STRN: variants seen among roughly 807,000 people sequenced by gnomAD.
The protein encoded by STRN is protein phosphatase 2 regulatory subunit B'''alpha.
In STRN, 53 loss-of-function variants were observed where a neutral mutation model predicts 96.3. The ratio of observed to expected loss-of-function variants is 0.55; its 90% CI spans 0.44 to 0.69. The LOEUF is 0.69. Ranked by LOEUF, STRN falls within the 30% of genes least tolerant of loss-of-function variation. The probability of loss-of-function intolerance (pLI) is 0.00; values close to 1 mark genes in which losing one functional copy is unlikely to be tolerated. For synonymous variants in STRN, 428 were observed against 355.9 expected, an observed-to-expected ratio of 1.20 and a Z score of -2.28; for missense variants, 987 against 963.9, an observed-to-expected ratio of 1.02 and a Z score of -0.32.
Position 36,960,243 on chromosome 2 carries a change from T to A in STRN, c.234+5987A>T, listed in dbSNP as rs914187978. Among the ~76,000 whole-genome samples, 3 of 152,156 alleles carry A rather than the reference T, an allele frequency of 2.0e-5. No homozygotes were observed. In the South Asian group the frequency reaches 6.2e-4, roughly 31 times the overall value. On this transcript the variant is annotated intron_variant, in intron 1 of 17. Transcript: ENST00000263918. The stretch of plus-strand genomic sequence containing the variant: ...TTAAGATAAACACATTCAGAAAAGT[T>A]TATATGAATTTCAAGGTAACAGATA...
intron 10 of STRN, among the ~76,000 whole-genome samples, chr2:36,872,937 T>A (rs1668800045): frequency 6.6e-6 from 1 of 152,238 alleles, no homozygotes; most frequent in Admixed American, 6.5e-5. Flanking sequence ...GAGCCCAATA[T>A]TTCGGCTGTT....
At chr2:36,942,780 CCTT>C (rs1670877774) in intron 1 of STRN, among the ~76,000 whole-genome samples, 2 of 152,080 alleles carry the variant, frequency 1.3e-5, no homozygotes, top group Non-Finnish European at 2.9e-5. Context: ...ACTGCAACCT[CCTT>C]CTCCTGGATT....
At chr2:36,873,608 A>C (rs1668821956) in intron 10 of STRN, among the ~76,000 whole-genome samples, 1 of 152,160 alleles carries the variant, frequency 6.6e-6, no homozygotes, top group East Asian at 1.9e-4. Flanking sequence ...AGGAGATAAA[A>C]GACAAGATTG....
rs1426494058 is a variant in STRN at position 36,838,402 on chromosome 2, A to T, written c.*11054T>A. Among the ~76,000 whole-genome samples, 1 of 152,198 alleles carries T rather than the reference A, an allele frequency of 6.6e-6. No homozygotes were observed. The highest frequency in any genetic ancestry group is 6.5e-5 in the Admixed American group (1 of 15,274). On this transcript the variant is annotated 3_prime_UTR_variant, in exon 18 of 18. Transcript: ENST00000263918. ...GTTTCCCTGGAGTTCTAACCTACAG[A>T]ACTTTGAATAGATAATTCAGTTCTG...
chr2:36,894,801 G>C (rs1669495832), intron 6 of STRN, among the ~76,000 whole-genome samples: 1 of 152,190 alleles, frequency 6.6e-6, no homozygotes, highest in South Asian at 2.1e-4. Flanking sequence ...CAATAGGATA[G>C]ACTAGAGAGT....
intron 3 of STRN, among the ~76,000 whole-genome samples, chr2:36,914,964 AG>A (rs932633103): frequency 1.3e-5 from 2 of 151,634 alleles, no homozygotes; most frequent in African/African-American, 4.8e-5. Context: ...TGGGAGGCCG[AG>A]GGGGGGCGGA....
intron 15 of STRN, among the ~76,000 whole-genome samples, chr2:36,854,429 C>T (rs1272574151): frequency 1.3e-5 from 2 of 151,968 alleles, no homozygotes; most frequent in African/African-American, 4.8e-5. Context: ...AAACAATGAA[C>T]AACAGGTTAG....
At chr2:36,856,014 T>C (rs1029468589) in intron 14 of STRN, among the ~76,000 whole-genome samples, 1 of 152,118 alleles carries the variant, frequency 6.6e-6, no homozygotes, top group African/African-American at 2.4e-5. Context: ...AGTTCAAAAA[T>C]GTGCATACTG....
At chr2:36,922,842 C>T (rs1026341751) in intron 2 of STRN, among the ~76,000 whole-genome samples, 1 of 152,228 alleles carries the variant, frequency 6.6e-6, no homozygotes, top group Non-Finnish European at 1.5e-5. Context: ...CTACTTTCAT[C>T]TTCCAGATGA....
intron 1 of STRN, among the ~76,000 whole-genome samples, chr2:36,961,314 A>G (rs1572703997): frequency 6.6e-6 from 1 of 151,400 alleles, no homozygotes; most frequent in East Asian, 1.9e-4. Context: ...GGGTTTTGCC[A>G]TGTTGCCCAG....
intron 2 of STRN, among the ~76,000 whole-genome samples, chr2:36,920,633 C>T (rs1323503692): frequency 3.5e-5 from 5 of 142,518 alleles, no homozygotes; most frequent in East Asian, 2.1e-4. Flanking sequence ...AGCAAAACTC[C>T]GTCTCAAAAA....
Position 36,884,090 on chromosome 2 carries a change from G to C in STRN, c.1043-15C>G, listed in dbSNP as rs373964428. 1.4e-5 allele frequency: 18 copies of C among 1,322,576 alleles called. No homozygotes were observed. Among genetic ancestry groups the C allele is most frequent in the Non-Finnish European group, 1.8e-5 (18 of 1,026,396 alleles). The allele number at this position is 1,322,576 out of a possible 1,614,324, so 81.9% of individuals were successfully genotyped here. On this transcript the variant is annotated splice_polypyrimidine_tract_variant and intron_variant, in intron 8 of 17. Transcript: ENST00000263918. ...CCTATTGGGCCCTAGCCAAAAAAAGGGGGGGTGGGAGGAGATAAAAAAGAG... is the reference window on the plus strand; with the variant it reads ...CCTATTGGGCCCTAGCCAAAAAAAGCGGGGGTGGGAGGAGATAAAAAAGAG...
chr2:36,861,247 T>G lies in STRN; in HGVS notation c.1554A>C (p.Pro518=). The change falls in exon 13 of 18, where the codon CCA becomes CCC. Residue 518 remains proline (P), a synonymous_variant. Transcript: ENST00000263918. ...PIYTFRAHKG[P]VLCVVMSSNG... is the part of the protein sequence containing the mutation. ...TGCTGCTCATTACCACACAAAGCAC[T>G]GGACCTCTGGGAGATTAAAAAAAAT... 1 of 1,613,406 alleles carries G rather than the reference T, an allele frequency of 6.2e-7. No homozygotes were observed. The highest frequency in any genetic ancestry group is 8.5e-7 in the Non-Finnish European group (1 of 1,179,774).
chr2:36,874,703 A>G (rs1241359406), intron 10 of STRN, among the ~76,000 whole-genome samples: 2 of 148,998 alleles, frequency 1.3e-5, no homozygotes, highest in Non-Finnish European at 3.0e-5. Context: ...ACAGTAAAAT[A>G]CTATGTTTAG....
At chr2:36,943,576 G>A (rs567984941) in intron 1 of STRN, among the ~76,000 whole-genome samples, 80 of 151,900 alleles carry the variant, frequency 5.3e-4, no homozygotes, top group Admixed American at 1.3e-3. Flanking sequence ...AGGCTGAGGC[G>A]GGAGAATCAC....
chr2:36,922,758 A>G (rs2148227700), intron 2 of STRN, among the ~76,000 whole-genome samples: 2 of 152,200 alleles, frequency 1.3e-5, no homozygotes, highest in Middle Eastern at 3.4e-3. Flanking sequence ...TACTTCCTGC[A>G]CCTTGTCTGT....
Position 36,845,914 on chromosome 2 carries a change from TGCACACACACAC to T in STRN, c.*3530_*3541del, listed in dbSNP as rs1668059435. 5.3e-5 allele frequency: 1 copy of T among 18,732 alleles called. No individual in the cohort carries two copies. The highest frequency in any genetic ancestry group is 1.6e-4 in the African/African-American group (1 of 6,336). The allele number at this position is 18,732 out of a possible 1,614,324, so 1.2% of individuals were successfully genotyped here. ...ACACACACACACACACACGCATGCATGCACACACACACACACACACACACACACACACACACA... is the reference window on the plus strand; with the variant it reads ...ACACACACACACACACACGCATGCATACACACACACACACACACACACACA... On this transcript the variant is annotated 3_prime_UTR_variant, in exon 18 of 18. Transcript: ENST00000263918.
At chr2:36,945,443 G>A (rs965206460) in intron 1 of STRN, among the ~76,000 whole-genome samples, 4 of 152,142 alleles carry the variant, frequency 2.6e-5, no homozygotes, top group African/African-American at 7.2e-5. Context: ...CGCGGCAGGC[G>A]GATCATGAGG....
intron 9 of STRN, among the ~76,000 whole-genome samples, chr2:36,881,947 C>G (rs943771331): frequency 1.3e-5 from 2 of 152,198 alleles, no homozygotes; most frequent in African/African-American, 4.8e-5. Flanking sequence ...TAGTGATCAA[C>G]ATACCTACTA....
Sources: allele counts gnomAD v4.1 joint callset (sites outside exome capture counted in the v4.1 genomes callset), GRCh38; gene constraint gnomAD v4.1.1; transcripts MANE v1.5; gene names NCBI Gene and HGNC (gene_info 2026-07-23, HGNC 2026-07-21).